Variants in PRKCE observed in about 807,000 individuals in gnomAD.
PRKCE encodes protein kinase C epsilon, also known as protein kinase C epsilon type.
In PRKCE, 16 loss-of-function variants were observed where a neutral mutation model predicts 85.4. The observed-to-expected ratio is 0.19, with a 90% CI of 0.13 to 0.28. The LOEUF is 0.28. Among genes scored for constraint, PRKCE ranks in the 10% least tolerant of loss-of-function variants. PRKCE has a pLI of 1.00. For synonymous variants in PRKCE, 388 were observed against 371.5 expected (o/e 1.04, Z -0.51); for missense variants, 573 against 975.2 (o/e 0.59, Z 5.49).
chr2:45,743,881 C>T (rs1414679733), intron 1 of PRKCE, among the ~76,000 whole-genome samples: 2 of 152,084 alleles, frequency 1.3e-5, no homozygotes, highest in Admixed American at 6.5e-5. Context: ...AGAGATGGCC[C>T]AAGCACCAGC....
chr2:45,717,387 C>G (rs6745377), intron 1 of PRKCE, among the ~76,000 whole-genome samples: 7,579 of 152,292 alleles, frequency 0.05, 290 homozygotes, highest in East Asian at 0.11. Flanking sequence ...TATCTCCCTA[C>G]CCATCACCTA....
At chr2:45,770,488 G>T (rs748812969) in intron 1 of PRKCE, among the ~76,000 whole-genome samples, 2 of 152,136 alleles carry the variant, frequency 1.3e-5, no homozygotes, top group Non-Finnish European at 2.9e-5. Context: ...TCTGGAGCTC[G>T]CAGAAGGACG....
At chr2:45,936,155 A>G (rs1699435123) in intron 2 of PRKCE, among the ~76,000 whole-genome samples, 1 of 152,174 alleles carries the variant, frequency 6.6e-6, no homozygotes, top group Admixed American at 6.5e-5. Flanking sequence ...CAAGGATGCT[A>G]TGGCGACCCA....
At chr2:45,992,513 C>T (rs1042526289) in intron 6 of PRKCE, among the ~76,000 whole-genome samples, 2 of 152,234 alleles carry the variant, frequency 1.3e-5, no homozygotes, top group African/African-American at 4.8e-5. Context: ...ACTTCCATTG[C>T]ACAAGCACAC....
intron 14 of PRKCE, among the ~76,000 whole-genome samples, chr2:46,183,599 A>G (rs1210373200): frequency 6.6e-6 from 1 of 152,170 alleles, no homozygotes; most frequent in Non-Finnish European, 1.5e-5. Flanking sequence ...ATTGGACTCC[A>G]GCCCTAACTC....
Position 45,895,754 on chromosome 2 carries a change from G to C in PRKCE, c.412+52691G>C, listed in dbSNP as rs1696088652. ...GTGGAAAAGGATGGTCTCAATCTCA[G>C]TGCAGTAGGAAAGCAGGAATCAGCT... On this transcript the variant is annotated intron_variant, in intron 2 of 14. Transcript: ENST00000306156. This position sits in a 1 kb window ranked among gnomAD's most constrained non-coding sequence, Gnocchi z 4.8. Among the ~76,000 whole-genome samples, 1 of 152,148 alleles carries C rather than the reference G, an allele frequency of 6.6e-6. No homozygotes were observed. The highest frequency in any genetic ancestry group is 2.4e-5 in the African/African-American group (1 of 41,406).
At chr2:45,977,923 G>A (rs1434208554) in intron 3 of PRKCE, among the ~76,000 whole-genome samples, 3 of 152,140 alleles carry the variant, frequency 2.0e-5, no homozygotes, top group Non-Finnish European at 4.4e-5. Context: ...GGGAGAGCGA[G>A]TGAGGCCAGG....
chr2:45,861,056 G>A (rs1268822825), intron 2 of PRKCE, among the ~76,000 whole-genome samples: 2 of 152,198 alleles, frequency 1.3e-5, no homozygotes, highest in East Asian at 1.9e-4. Flanking sequence ...GAAGGGCCTC[G>A]GTAGGGAGAG....
At position 45,901,600 on chromosome 2, in the gene PRKCE, A is replaced by G. The variant is rs916093735; in HGVS notation, c.412+58537A>G. On this transcript the variant is annotated intron_variant, in intron 2 of 14. Transcript: ENST00000306156. ...AGTGTAAAGTTTGAAGGATTTTTTT[A>G]TAATTCACCTGAGATGGAAAGAAAT... Among the ~76,000 whole-genome samples the G allele has an allele frequency of 1.2e-4, 19 of 152,232 alleles. 1 individual carries two copies. The highest frequency in any genetic ancestry group is 1.2e-4 in the Non-Finnish European group (8 of 68,040).
At chr2:45,873,676 C>T (rs895896885) in intron 2 of PRKCE, among the ~76,000 whole-genome samples, 2 of 152,198 alleles carry the variant, frequency 1.3e-5, no homozygotes, top group African/African-American at 4.8e-5. Flanking sequence ...ATCCCAGCTG[C>T]CTCCTCACTC....
intron 1 of PRKCE, among the ~76,000 whole-genome samples, chr2:45,695,884 CAA>C (rs1196179677): frequency 6.6e-6 from 1 of 152,134 alleles, no homozygotes; most frequent in African/African-American, 2.4e-5. Context: ...GTCAGGCTGA[CAA>C]GAGTTTATTG....
Position 45,651,772 on chromosome 2 carries a change from G to A in PRKCE, c.-329G>A, listed in dbSNP as rs545730600. On this transcript the variant is annotated 5_prime_UTR_variant, in exon 1 of 15. Transcript: ENST00000306156. The stretch of plus-strand genomic sequence containing the variant: ...AGCCGGAGAGCCAGCGAGGCGGCGA[G>A]GCAGCCCCCGCGGCTTGCAGCGGAG... 74 of 213,302 alleles carry A rather than the reference G, an allele frequency of 3.5e-4. No homozygotes were observed. In the East Asian group the frequency reaches 7.1e-3, roughly 21 times the overall value. 13.2% of individuals were successfully genotyped at this position (213,302 alleles called of 1,614,324 possible).
chr2:46,012,749 G>A (rs1455478497), intron 10 of PRKCE, among the ~76,000 whole-genome samples: 2 of 152,240 alleles, frequency 1.3e-5, no homozygotes, highest in Non-Finnish European at 2.9e-5. Context: ...GAGTGGGAAT[G>A]GATGTCTTCA....
rs76183391 is a variant in PRKCE, at chr2:46,171,389, G to A, written c.2067+11637G>A. ...GGTACACGGCAGAATGCAGTTGTTT[G>A]TTTGATGTTAACACAGCAACACCGC... On this transcript the variant is annotated intron_variant, in intron 14 of 14. Coordinates refer to ENST00000306156, the MANE Select transcript of PRKCE (RefSeq NM_005400.3). Among the ~76,000 whole-genome samples the A allele has an allele frequency of 2.5e-3, 387 of 152,354 alleles. 20 individuals carry two copies. In the South Asian group the frequency reaches 0.043, roughly 17 times the overall value.
intron 1 of PRKCE, among the ~76,000 whole-genome samples, chr2:45,702,538 G>A (rs1353171747): frequency 2.6e-5 from 4 of 152,156 alleles, no homozygotes; most frequent in African/African-American, 9.7e-5. Flanking sequence ...TGGACTTTAT[G>A]CCTCCTGAAG....
At chr2:45,836,972 A>G (rs1690933313) in intron 1 of PRKCE, among the ~76,000 whole-genome samples, 1 of 152,200 alleles carries the variant, frequency 6.6e-6, no homozygotes, top group South Asian at 2.1e-4. Context: ...GGCTGTCCCA[A>G]GGAAAGGTTT....
At chr2:45,924,249 A>G (rs556639570) in intron 2 of PRKCE, among the ~76,000 whole-genome samples, 2 of 152,286 alleles carry the variant, frequency 1.3e-5, no homozygotes, top group South Asian at 4.1e-4. Context: ...TGATCTTTAT[A>G]AGAATGGGAA....
chr2:45,960,542 G>C (rs1020103748), intron 2 of PRKCE, among the ~76,000 whole-genome samples: 1 of 152,104 alleles, frequency 6.6e-6, no homozygotes, highest in Non-Finnish European at 1.5e-5. Flanking sequence ...GTTTACAATA[G>C]GGTTCCCGCT....
chr2:45,767,212 G>C (rs1447152532), intron 1 of PRKCE, among the ~76,000 whole-genome samples: 3 of 152,100 alleles, frequency 2.0e-5, no homozygotes, highest in African/African-American at 7.2e-5. Context: ...TCTGCTTCTG[G>C]AAGGAGGGTA....
Sources: allele counts gnomAD v4.1 joint callset (sites outside exome capture counted in the v4.1 genomes callset), GRCh38; gene constraint gnomAD v4.1.1; non-coding constraint Gnocchi (gnomAD v3.1); transcripts MANE v1.5; gene names NCBI Gene and HGNC (gene_info 2026-07-23, HGNC 2026-07-21).